Variants in NHSL2 observed in about 807,000 individuals in gnomAD.
NHSL2 encodes the protein NHS-like protein 2.
A neutral mutation model predicts 53.4 loss-of-function variants in NHSL2; 27 were observed. The observed-to-expected ratio is 0.51, with a 90% CI of 0.37 to 0.70. The LOEUF (loss-of-function observed/expected upper bound fraction) is 0.70, where lower values mean the gene tolerates loss of function less well. NHSL2 is among the 30% of genes least tolerant of loss of function. The pLI is 0.00. For synonymous variants in NHSL2, 408 were observed against 404.1 expected, an observed-to-expected ratio of 1.01 and a Z score of -0.12; for missense variants, 892 against 980.1, an observed-to-expected ratio of 0.91 and a Z score of 1.20.
At chrX:71,929,125 C>T (rs2041700499) in intron 1 of NHSL2, among the ~76,000 whole-genome samples, 1 of 111,858 alleles carries the variant, frequency 8.9e-6, no homozygotes, top group African/African-American at 3.3e-5. Context: ...GTGAATTATC[C>T]CCTAAGACTT....
intron 1 of NHSL2, among the ~76,000 whole-genome samples, chrX:71,942,385 A>G (rs1435953877): frequency 8.9e-6 from 1 of 112,174 alleles, no homozygotes; most frequent in Non-Finnish European, 1.9e-5. Flanking sequence ...GGGGAAGGGA[A>G]TGTATTAAGA....
chrX:71,938,495 AC>A lies in NHSL2; in HGVS notation c.280+27130del, dbSNP rs1421958628. Among the ~76,000 whole-genome samples, 3 of 112,167 alleles carry A rather than the reference AC, an allele frequency of 2.7e-5. 1 individual carries two copies. The highest frequency in any genetic ancestry group is 9.7e-5 in the African/African-American group (3 of 30,865). ...CTCAGATATCCAAGGAGCTGCTGCTACCTCATCCAGAATGGCACTTGACTTG... is the reference window on the plus strand; with the variant it reads ...CTCAGATATCCAAGGAGCTGCTGCTACTCATCCAGAATGGCACTTGACTTG... On this transcript the variant is annotated intron_variant, in intron 1 of 7. Transcript: ENST00000633930.
At chrX:72,124,405 T>C (rs2042205734) in intron 1 of NHSL2, among the ~76,000 whole-genome samples, 1 of 111,628 alleles carries the variant, frequency 9.0e-6, no homozygotes, top group African/African-American at 3.3e-5. Flanking sequence ...GCATGCTATG[T>C]TTCTTGATCA....
chrX:72,057,682 TTC>T (rs753869438), intron 1 of NHSL2, among the ~76,000 whole-genome samples: 29 of 112,162 alleles, frequency 2.6e-4, no homozygotes, highest in Middle Eastern at 4.6e-3. Context: ...CCCTCAGAGT[TTC>T]TGAGACTCTT....
chrX:71,981,377 C>T (rs750944970), intron 1 of NHSL2, among the ~76,000 whole-genome samples: 6 of 110,224 alleles, frequency 5.4e-5, no homozygotes, highest in Non-Finnish European at 1.1e-4. Flanking sequence ...GAAACCCCAT[C>T]TCTTTTTAAA....
intron 1 of NHSL2, among the ~76,000 whole-genome samples, chrX:71,989,787 T>A (rs1379208291): frequency 3.6e-5 from 4 of 112,180 alleles, no homozygotes; most frequent in African/African-American, 1.3e-4. Context: ...AAATGAACCA[T>A]CCCTATGGGG....
chrX:71,951,041 A>ACACACAC (rs2041818969), intron 1 of NHSL2, among the ~76,000 whole-genome samples: 2 of 42,836 alleles, frequency 4.7e-5, no homozygotes, highest in Non-Finnish European at 9.5e-5. Context: ...CACACACACA[A>ACACACAC]ATACCTGGCA....
Position 72,150,145 on chromosome X carries a change from T to C in NHSL2, c.*6571T>C, listed in dbSNP as rs1381594332. 1.8e-5 allele frequency: 2 copies of C among 112,938 alleles called. No homozygotes were observed. The highest frequency in any genetic ancestry group is 6.4e-5 in the African/African-American group (2 of 31,103). The allele number at this position is 112,938 out of a possible 1,213,427, so 9.3% of individuals were successfully genotyped here. The stretch of plus-strand genomic sequence containing the variant: ...AAAGACAAATTGGATTTTCAGTTTA[T>C]AAACATTAGTTTCCCTCCAAATTCA... On this transcript the variant is annotated 3_prime_UTR_variant, in exon 8 of 8. Coordinates refer to ENST00000633930, the MANE Select transcript of NHSL2 (RefSeq NM_001013627.3).
At chrX:72,135,113 T>C (rs2042345116) in intron 4 of NHSL2, among the ~76,000 whole-genome samples, 1 of 111,387 alleles carries the variant, frequency 9.0e-6, no homozygotes, top group Admixed American at 9.5e-5. Flanking sequence ...AGAGTGGGGT[T>C]TGGAGTGCTG....
chrX:72,123,337 C>A (rs1168611986), intron 1 of NHSL2, among the ~76,000 whole-genome samples: 1 of 111,937 alleles, frequency 8.9e-6, no homozygotes, highest in African/African-American at 3.3e-5. Context: ...AAGAAAATGC[C>A]AAAAGCAGGT....
At chrX:71,956,927 C>T (rs1337939748) in intron 1 of NHSL2, among the ~76,000 whole-genome samples, 4 of 111,499 alleles carry the variant, frequency 3.6e-5, no homozygotes, top group African/African-American at 1.3e-4. Context: ...CCATAGTTCA[C>T]CTCCTCAGAT....
At chrX:72,115,452 G>A (rs914726301) in intron 1 of NHSL2, among the ~76,000 whole-genome samples, 15 of 101,416 alleles carry the variant, frequency 1.5e-4, no homozygotes, top group African/African-American at 4.4e-4. Flanking sequence ...TGCGGGGGGC[G>A]TGAGAGGCTG....
intron 1 of NHSL2, among the ~76,000 whole-genome samples, chrX:72,045,642 C>G (rs911789809): frequency 1.8e-5 from 2 of 112,208 alleles, no homozygotes; most frequent in African/African-American, 6.5e-5. Flanking sequence ...AGACTGGATT[C>G]ACTCTGATTC....
chrX:72,005,526 C>T (rs934443770), intron 1 of NHSL2, among the ~76,000 whole-genome samples: 1 of 111,907 alleles, frequency 8.9e-6, no homozygotes, highest in African/African-American at 3.3e-5. Flanking sequence ...TTTGAACAAC[C>T]AGAGATGCCT....
In NHSL2 at chrX:72,038,079, C is replaced by T. The variant is rs187765428; in HGVS notation, c.281-94000C>T. The stretch of plus-strand genomic sequence containing the variant: ...CAGGTGCAAGGTATGAGAGTGGGGT[C>T]TGGGAGTCTGGGACCTAGTCACATT... On this transcript the variant is annotated intron_variant, in intron 1 of 7. Coordinates refer to ENST00000633930, the MANE Select transcript of NHSL2 (RefSeq NM_001013627.3). 4.5e-5 allele frequency among the ~76,000 whole-genome samples: 5 copies of T among 112,288 alleles called. No homozygotes were observed. The East Asian group carries it at 1.4e-3, about 31-fold the overall frequency.
intron 1 of NHSL2, among the ~76,000 whole-genome samples, chrX:72,086,747 C>T (rs2041850302): frequency 1.0e-5 from 1 of 99,109 alleles, no homozygotes. Flanking sequence ...ATGTAATTTT[C>T]AAAGGGGTAA....
At chrX:71,936,678 G>A (rs1467884881) in intron 1 of NHSL2, among the ~76,000 whole-genome samples, 1 of 112,378 alleles carries the variant, frequency 8.9e-6, no homozygotes, top group Admixed American at 9.4e-5. Context: ...ACTAGATAGT[G>A]AATGAGAGAC....
chrX:72,125,987 G>A (rs1398168506), intron 1 of NHSL2, among the ~76,000 whole-genome samples: 1 of 111,959 alleles, frequency 8.9e-6, no homozygotes, highest in Non-Finnish European at 1.9e-5. Flanking sequence ...AATGTATATG[G>A]GTTTGGGAGT....
chrX:71,980,556 GT>G (rs1383231806), intron 1 of NHSL2, among the ~76,000 whole-genome samples: 112 of 2,385 alleles, frequency 0.047, 1 homozygote, highest in South Asian at 0.46. Context: ...GTGTGTGTGT[GT>G]GGGGTGTGTG....
Sources: gnomAD v4.1 joint callset for allele counts (sites outside exome capture counted in the v4.1 genomes callset) on GRCh38, gnomAD v4.1.1 for gene constraint, MANE v1.5 for transcripts, NCBI Gene and HGNC (gene_info 2026-07-23, HGNC 2026-07-21) for gene names.